Variants in TDRD3 observed in about 807,000 individuals in gnomAD.
The protein encoded by TDRD3 is tudor domain-containing protein 3.
A neutral mutation model predicts 86.7 loss-of-function variants in TDRD3; 45 were observed. That is an observed-to-expected ratio of 0.52 (90% CI 0.41 to 0.67). The LOEUF (loss-of-function observed/expected upper bound fraction) is 0.67. TDRD3 is among the 30% of genes least tolerant of loss of function. TDRD3 has a pLI of 0.00. For missense variants in TDRD3, 814 were observed against 889.0 expected, an observed-to-expected ratio of 0.92 and a Z score of 1.07; for synonymous variants, 298 against 301.7, an observed-to-expected ratio of 0.99 and a Z score of 0.13.
intron 10 of TDRD3, among the ~76,000 whole-genome samples, chr13:60,518,336 G>A (rs1321842336): frequency 1.3e-5 from 2 of 152,176 alleles, no homozygotes; most frequent in Non-Finnish European, 2.9e-5. Context: ...TAACACTGGA[G>A]GCTCCACATC....
chr13:60,485,985 C>T (rs1956426957), intron 7 of TDRD3, 37 bp downstream of exon 7: 6 of 1,557,136 alleles, frequency 3.9e-6, no homozygotes, highest in Admixed American at 1.9e-5. Flanking sequence ...TATTTCTTAT[C>T]ATTATGTTCT....
intron 3 of TDRD3, among the ~76,000 whole-genome samples, chr13:60,454,770 T>C (rs1955627645): frequency 6.6e-6 from 1 of 152,202 alleles, no homozygotes; most frequent in African/African-American, 2.4e-5. Context: ...GGAATGTTTC[T>C]GAAATTTCTA....
At chr13:60,500,581 C>A (rs963135469) in intron 8 of TDRD3, among the ~76,000 whole-genome samples, 1 of 152,108 alleles carries the variant, frequency 6.6e-6, no homozygotes, top group Non-Finnish European at 1.5e-5. Context: ...GGGTAATCTT[C>A]CCAGTGGGCA....
intron 12 of TDRD3, among the ~76,000 whole-genome samples, chr13:60,565,951 T>C (rs1205327638): frequency 6.6e-6 from 1 of 152,186 alleles, no homozygotes; most frequent in Non-Finnish European, 1.5e-5. Context: ...TTGAGATTGA[T>C]TGTTAATGAA....
chr13:60,492,041 T>A (rs1182930741), intron 7 of TDRD3, among the ~76,000 whole-genome samples: 1 of 152,188 alleles, frequency 6.6e-6, no homozygotes, highest in Non-Finnish European at 1.5e-5. Context: ...GCAACACCAG[T>A]TACCTTATGG....
intron 1 of TDRD3, among the ~76,000 whole-genome samples, chr13:60,436,915 A>T (rs1955125476): frequency 6.6e-6 from 1 of 152,208 alleles, no homozygotes; most frequent in Non-Finnish European, 1.5e-5. Flanking sequence ...AGAAGGGAAC[A>T]GCATGACTGC....
intron 10 of TDRD3, among the ~76,000 whole-genome samples, chr13:60,515,627 A>G (rs1038968152): frequency 1.3e-5 from 2 of 152,150 alleles, no homozygotes; most frequent in Non-Finnish European, 2.9e-5. Context: ...TCGTTGTGTT[A>G]CTTTCTCTTG....
chr13:60,498,948 G>T (rs147114257), intron 8 of TDRD3, among the ~76,000 whole-genome samples: 2 of 152,058 alleles, frequency 1.3e-5, no homozygotes, highest in African/African-American at 4.8e-5. Flanking sequence ...CAGTGGGTAC[G>T]CGGACTCATC....
chr13:60,467,268 G>C lies in TDRD3; in HGVS notation c.384G>C (p.Lys128Asn), dbSNP rs1015081592. 6.2e-7 allele frequency: 1 copy of C among 1,613,636 alleles called. No individual in the cohort carries two copies. The highest frequency in any genetic ancestry group is 8.5e-7 in the Non-Finnish European group (1 of 1,179,852). The change falls in exon 5 of 14, where the codon AAG (lysine) becomes AAC (asparagine). Residue 128 changes from lysine to asparagine, a missense_variant. By Grantham distance (94) the Lys-to-Asn change is moderately conservative (BLOSUM62 0). Transcript: ENST00000377881. ...SLNTPPGTKV[K>N]LSGIVDIKNG... ...ACACACCACCTGGAACTAAAGTTAA[G>C]CTCTCAGGCATTGTTGACATAAAAA...
intron 10 of TDRD3, among the ~76,000 whole-genome samples, chr13:60,511,795 A>G (rs919587524): frequency 6.6e-6 from 1 of 152,082 alleles, no homozygotes; most frequent in Admixed American, 6.5e-5. Flanking sequence ...TTTATCTCCT[A>G]AAAGCTGCCT....
At chr13:60,560,699 G>A (rs1958313086) in intron 12 of TDRD3, among the ~76,000 whole-genome samples, 1 of 152,102 alleles carries the variant, frequency 6.6e-6, no homozygotes, top group Non-Finnish European at 1.5e-5. Flanking sequence ...TAAAACCCTT[G>A]AGTTAGGTAT....
At chr13:60,538,472 C>T (rs771312408) in intron 12 of TDRD3, among the ~76,000 whole-genome samples, 30 of 150,974 alleles carry the variant, frequency 2.0e-4, no homozygotes, top group Non-Finnish European at 3.5e-4. Flanking sequence ...ACATGAGATG[C>T]ACAGCTTATT....
chr13:60,553,193 C>T (rs1203482825), intron 12 of TDRD3, among the ~76,000 whole-genome samples: 2 of 152,126 alleles, frequency 1.3e-5, no homozygotes, highest in African/African-American at 4.8e-5. Flanking sequence ...AATTTCAAAC[C>T]ATATCTTTGT....
chr13:60,477,441 C>G (rs1303592001), intron 5 of TDRD3, among the ~76,000 whole-genome samples: 1 of 152,078 alleles, frequency 6.6e-6, no homozygotes, highest in Non-Finnish European at 1.5e-5. Context: ...TCTCAAACTC[C>G]TAGCCTCAAG....
intron 1 of TDRD3, among the ~76,000 whole-genome samples, chr13:60,423,447 A>G (rs1195158996): frequency 6.6e-6 from 1 of 152,224 alleles, no homozygotes; most frequent in Non-Finnish European, 1.5e-5. Flanking sequence ...TTCTGGGTAT[A>G]CTGTATATTG....
intron 13 of TDRD3, among the ~76,000 whole-genome samples, chr13:60,572,986 G>A (rs955964118): frequency 2.0e-5 from 3 of 152,106 alleles, no homozygotes; most frequent in Admixed American, 2.0e-4. Flanking sequence ...CAAGACTTAC[G>A]AGCTGTTTGT....
intron 4 of TDRD3, among the ~76,000 whole-genome samples, chr13:60,462,848 C>T (rs1053461755): frequency 3.3e-5 from 5 of 152,040 alleles, no homozygotes; most frequent in African/African-American, 7.2e-5. Context: ...GGAGGTATCA[C>T]GTTACTTGAT....
At chr13:60,453,881 C>CTT (rs1308079803) in intron 3 of TDRD3, among the ~76,000 whole-genome samples, 2 of 152,026 alleles carry the variant, frequency 1.3e-5, no homozygotes, top group Admixed American at 6.6e-5. Context: ...TAAAAGACAA[C>CTT]TTCTTAATTC....
intron 3 of TDRD3, among the ~76,000 whole-genome samples, chr13:60,458,245 T>C (rs1284146223): frequency 1.3e-5 from 2 of 152,236 alleles, no homozygotes. Flanking sequence ...ATCAATGGCA[T>C]TGTCTTCAAT....
Sources: gnomAD v4.1 joint callset for allele counts (sites outside exome capture counted in the v4.1 genomes callset) on GRCh38, gnomAD v4.1.1 for gene constraint, MANE v1.5 for transcripts, NCBI Gene and HGNC (gene_info 2026-07-23, HGNC 2026-07-21) for gene names.